Variants in UIMC1 observed in about 807,000 individuals in gnomAD.
The protein encoded by UIMC1 is BRCA1-A complex subunit RAP80.
A neutral mutation model predicts 84.9 loss-of-function variants in UIMC1; 42 were observed. The ratio of observed to expected loss-of-function variants is 0.49; its 90% CI spans 0.39 to 0.64. The LOEUF (loss-of-function observed/expected upper bound fraction) is 0.64. Among genes scored for constraint, UIMC1 ranks in the 30% least tolerant of loss-of-function variants. The probability of loss-of-function intolerance (pLI) is 0.00; values close to 1 mark genes in which losing one functional copy is unlikely to be tolerated. For synonymous variants in UIMC1, 281 were observed against 293.0 expected (o/e 0.96, Z 0.42); for missense variants, 825 against 847.6 (o/e 0.97, Z 0.33).
intron 10 of UIMC1, among the ~76,000 whole-genome samples, chr5:176,938,866 C>T (rs1366089584): frequency 6.6e-6 from 1 of 151,966 alleles, no homozygotes; most frequent in Non-Finnish European, 1.5e-5. Flanking sequence ...TGGGGAAATG[C>T]TTATTTCACC....
chr5:176,998,325 A>T (rs1320622033), intron 1 of UIMC1, among the ~76,000 whole-genome samples: 3 of 151,870 alleles, frequency 2.0e-5, no homozygotes, highest in Non-Finnish European at 2.9e-5. Context: ...TTAGCTGGGC[A>T]TGGTGGCACA....
At chr5:177,000,992 G>A (rs1352415775) in intron 1 of UIMC1, among the ~76,000 whole-genome samples, 1 of 151,920 alleles carries the variant, frequency 6.6e-6, no homozygotes, top group Non-Finnish European at 1.5e-5. Context: ...CCTTTGCTGT[G>A]CAGAAGCTTT....
intron 1 of UIMC1, among the ~76,000 whole-genome samples, chr5:176,995,843 CAAAAAAAA>C (rs34672103): frequency 1.4e-3 from 112 of 79,616 alleles, no homozygotes; most frequent in Non-Finnish European, 2.0e-3. Context: ...AACTCCATCT[CAAAAAAAA>C]AAAAAAAAAA....
At chr5:176,933,455 A>G (rs1366464472) in intron 10 of UIMC1, among the ~76,000 whole-genome samples, 4 of 152,212 alleles carry the variant, frequency 2.6e-5, no homozygotes. Context: ...AACTTTATAC[A>G]TATAATCTAG....
intron 4 of UIMC1, 173 bp from the exon 5 acceptor site, chr5:176,969,879 G>T: frequency 1.6e-6 from 1 of 613,636 alleles, no homozygotes; most frequent in Non-Finnish European, 2.8e-6. Context: ...GCAAAGTGTT[G>T]TACTAGATCA....
At chr5:176,970,349 A>C (rs1769021578) in intron 4 of UIMC1, 1 of 207,224 alleles carries the variant, frequency 4.8e-6, no homozygotes, top group African/African-American at 2.4e-5. Context: ...ATTTTTTTAA[A>C]ACTGCCCATT....
Position 176,968,959 on chromosome 5 carries a change from C to T in UIMC1, c.796G>A (p.Gly266Ser). 1.2e-6 allele frequency: 2 copies of T among 1,614,166 alleles called. No individual in the cohort carries two copies. Among genetic ancestry groups the T allele is most frequent in the Non-Finnish European group, 8.5e-7 (1 of 1,180,038 alleles). Residue 266 changes from glycine to serine, a missense_variant, in exon 6 of 15, where the codon GGT (glycine) becomes AGT (serine). Physicochemically the swap from Gly to Ser is moderately conservative, Grantham distance 56. Coordinates refer to ENST00000511320, the MANE Select transcript of UIMC1 (RefSeq NM_001199298.2). ...ACAGTGCCCCCAGTGTCCTGGAGAC[C>T]TTTGGCATCTGCTAGGGTAGGTAGA... ...HCLPTLADAKGLQDTGGTVNY... is the reference protein window; with the variant it reads ...HCLPTLADAKSLQDTGGTVNY...
chr5:177,002,671 C>T (rs1258719981), intron 1 of UIMC1, among the ~76,000 whole-genome samples: 3 of 151,674 alleles, frequency 2.0e-5, no homozygotes, highest in African/African-American at 4.9e-5. Flanking sequence ...CGTAGTGGCA[C>T]GCGCCTGTAG....
At chr5:176,952,222 A>C (rs1765976956) in intron 8 of UIMC1, among the ~76,000 whole-genome samples, 1 of 152,254 alleles carries the variant, frequency 6.6e-6, no homozygotes, top group Admixed American at 6.5e-5. Flanking sequence ...AGAACCTGCC[A>C]ATGTTAGTGC....
intron 1 of UIMC1, among the ~76,000 whole-genome samples, chr5:176,991,942 A>G (rs1042400081): frequency 9.2e-5 from 14 of 152,032 alleles, no homozygotes; most frequent in African/African-American, 3.4e-4. Flanking sequence ...AAAAAAAGAA[A>G]GACCCCACCT....
At chr5:176,953,529 C>T (rs1006484441) in intron 8 of UIMC1, among the ~76,000 whole-genome samples, 1 of 151,768 alleles carries the variant, frequency 6.6e-6, no homozygotes, top group Non-Finnish European at 1.5e-5. Flanking sequence ...CACACACACA[C>T]ACCTTATTGG....
chr5:176,959,404 C>G lies in UIMC1; in HGVS notation c.1201-1250G>C, dbSNP rs569939433. ...CCTTAGGCTAAAGCATATCTCAAAC[C>G]TTCTCAGTGTAATTGTTTAAAAAAA... On this transcript the variant is annotated intron_variant, in intron 6 of 14. Coordinates refer to ENST00000511320, the MANE Select transcript of UIMC1 (RefSeq NM_001199298.2). Among the ~76,000 whole-genome samples the G allele has an allele frequency of 2.6e-5, 4 of 152,280 alleles. No individual in the cohort carries two copies. In the South Asian group the frequency reaches 8.3e-4, roughly 32 times the overall value.
chr5:176,950,603 C>T (rs1765747759), intron 9 of UIMC1, among the ~76,000 whole-genome samples: 2 of 151,992 alleles, frequency 1.3e-5, no homozygotes, highest in Admixed American at 6.5e-5. Flanking sequence ...GGCGCGGTGG[C>T]TCACGCCTGT....
At chr5:176,936,428 T>C (rs353471) in intron 10 of UIMC1, among the ~76,000 whole-genome samples, 88,285 of 152,094 alleles carry the variant, frequency 0.58, 27,481 homozygotes, top group African/African-American at 0.82. Flanking sequence ...TTCCCAGCTT[T>C]CACCCTTGTC....
upstream of UIMC1, among the ~76,000 whole-genome samples, chr5:177,011,193 CAAAA>C (rs752829956): frequency 8.5e-6 from 1 of 118,084 alleles, no homozygotes; most frequent in African/African-American, 3.2e-5. Context: ...GACCCTGTCA[CAAAA>C]AAAAAAAGAA....
intron 6 of UIMC1, among the ~76,000 whole-genome samples, chr5:176,966,595 AG>A (rs1227451001): frequency 6.6e-6 from 1 of 152,350 alleles, no homozygotes; most frequent in Non-Finnish European, 1.5e-5. Context: ...ATATATAAAG[AG>A]TTTATATTAT....
At chr5:176,986,739 G>A (rs1000851911) in intron 1 of UIMC1, among the ~76,000 whole-genome samples, 7 of 151,876 alleles carry the variant, frequency 4.6e-5, no homozygotes, top group Non-Finnish European at 8.8e-5. Context: ...CTGCAGCCTG[G>A]GCAACAGGGC....
chr5:176,923,872 AAAAT>A (rs1305002707), intron 10 of UIMC1, among the ~76,000 whole-genome samples: 5 of 117,926 alleles, frequency 4.2e-5, no homozygotes, highest in Admixed American at 9.9e-5. Context: ...TCAAAAAAAA[AAAAT>A]ATATATATAT....
chr5:176,943,113 C>T (rs1373815138), intron 10 of UIMC1, among the ~76,000 whole-genome samples: 2 of 152,180 alleles, frequency 1.3e-5, no homozygotes, highest in East Asian at 1.9e-4. Context: ...AAAGACTTTT[C>T]CCTTCCCCTT....
Sources: gnomAD v4.1 joint callset for allele counts (sites outside exome capture counted in the v4.1 genomes callset) on GRCh38, gnomAD v4.1.1 for gene constraint, MANE v1.5 for transcripts, NCBI Gene and HGNC (gene_info 2026-07-23, HGNC 2026-07-21) for gene names.